Variants in SELENOW observed in about 807,000 individuals in gnomAD.
SELENOW encodes the protein selenoprotein W, 1.
A neutral mutation model predicts 16.6 loss-of-function variants in SELENOW; 20 were observed. The ratio of observed to expected loss-of-function variants is 1.21; its 90% CI spans 0.85 to 1.76. The LOEUF is 1.76. SELENOW is among the 40% of genes most tolerant of loss of function. The probability of loss-of-function intolerance (pLI) is 0.00; values close to 1 mark genes in which losing one functional copy is unlikely to be tolerated. For synonymous variants in SELENOW, 44 were observed against 46.2 expected, an observed-to-expected ratio of 0.95 and a Z score of 0.19; for missense variants, 124 against 111.0, an observed-to-expected ratio of 1.12 and a Z score of -0.53.
chr19:47,782,150 T>C (rs962925773), intron 5 of SELENOW: 2 of 152,830 alleles, frequency 1.3e-5, no homozygotes, highest in Admixed American at 1.3e-4. Flanking sequence ...GTTCCCAGCA[T>C]GTTTTGAGAC....
intron 1 of SELENOW, chr19:47,780,015 T>TAC: frequency 2.7e-6 from 1 of 373,598 alleles, no homozygotes. Context: ...TTGAGACGCC[T>TAC]ACCAGGCCTG....
intron 1 of SELENOW, chr19:47,779,075 C>T (rs990604294): frequency 5.2e-5 from 26 of 497,878 alleles, no homozygotes; most frequent in Middle Eastern, 5.3e-4. Context: ...CAATTTCGAA[C>T]CCCCGACTCC....
intron 1 of SELENOW, 90 bp from the exon 2 acceptor site, chr19:47,780,635 C>A (rs1416890250): frequency 5.3e-6 from 6 of 1,137,804 alleles, no homozygotes; most frequent in Non-Finnish European, 7.8e-6. Flanking sequence ...CTTGCTCTCT[C>A]CCCACACCGC....
intron 5 of SELENOW, 101 bp downstream of exon 5, chr19:47,781,489 G>C: frequency 1.4e-6 from 1 of 693,454 alleles, no homozygotes; most frequent in Non-Finnish European, 2.5e-6. Flanking sequence ...AGATGGGGGG[G>C]ACATCACGTG....
At chr19:47,780,128 C>T (rs1266092491) in intron 1 of SELENOW, 2 of 455,576 alleles carry the variant, frequency 4.4e-6, no homozygotes, top group East Asian at 1.4e-4. Flanking sequence ...AGCTGCGGGG[C>T]CGGGTGCGGT....
In SELENOW at chr19:47,780,491, TGTGTGTCCCC is replaced by T. The variant is rs562558160; in HGVS notation, c.30-232_30-223del. On this transcript the variant is annotated intron_variant, in intron 1 of 5. Transcript: ENST00000601048. The stretch of plus-strand genomic sequence containing the variant: ...TTGGTGTTGGTTTTCTGTGTGTCTC[TGTGTGTCCCC>T]GCGCCACCCCCTGTGCTGTGTCCCA... 107 of 577,582 alleles carry T rather than the reference TGTGTGTCCCC, an allele frequency of 1.9e-4. 3 individuals are homozygous for T. In the South Asian group the frequency reaches 2.2e-3, roughly 12 times the overall value. The allele number at this position is 577,582 out of a possible 1,614,324, so 35.8% of individuals were successfully genotyped here. A position where few individuals can be genotyped will look rare whatever the true frequency, so the allele number is the denominator to read the frequency against.
chr19:47,779,148 C>T (rs1357991051), intron 1 of SELENOW: 2 of 326,312 alleles, frequency 6.1e-6, no homozygotes, highest in Non-Finnish European at 1.1e-5. Flanking sequence ...CTCCTCCACC[C>T]TAAGGCTTCC....
At chr19:47,780,374 TCTC>T (rs1436894476) in intron 1 of SELENOW, 3 of 406,344 alleles carry the variant, frequency 7.4e-6, no homozygotes, top group Non-Finnish European at 1.4e-5. Flanking sequence ...CTAATCCAGT[TCTC>T]CTGGTTTTCC....
At chr19:47,780,074 C>G (rs1967454447) in intron 1 of SELENOW, 1 of 453,614 alleles carries the variant, frequency 2.2e-6, no homozygotes, top group Non-Finnish European at 4.4e-6. Context: ...GTTGGGTGAG[C>G]CTGTATTTCA....
chr19:47,783,290 TC>T (rs1967496788), intron 5 of SELENOW: 2 of 151,790 alleles, frequency 1.3e-5, no homozygotes, highest in Admixed American at 1.3e-4. Context: ...AAGCTCCGCC[TC>T]CCGGGTTCAC....
At chr19:47,780,643 C>A in intron 1 of SELENOW, 82 bp from the exon 2 acceptor site, 1 of 1,234,638 alleles carries the variant, frequency 8.1e-7, no homozygotes. Flanking sequence ...CTCCCCACAC[C>A]GCCTGTGTCT....
At chr19:47,781,736 G>A (rs1967479781) in intron 5 of SELENOW, among the ~76,000 whole-genome samples, 1 of 151,984 alleles carries the variant, frequency 6.6e-6, no homozygotes, top group Non-Finnish European at 1.5e-5. Flanking sequence ...TGACGGCTGA[G>A]ATGGTGATGG....
chr19:47,779,463 A>G (rs888204486), intron 1 of SELENOW: 3 of 152,660 alleles, frequency 2.0e-5, no homozygotes, highest in Admixed American at 2.0e-4. Flanking sequence ...GTAGGTATTT[A>G]ATAAATACGT....
rs1568608070 is a variant in SELENOW, at chr19:47,781,181, AG to A, written c.183+1del. On this transcript the variant is annotated frameshift_variant and splice_region_variant, in exon 4 of 6. Coordinates refer to ENST00000601048, the MANE Select transcript of SELENOW (RefSeq NM_003009.4). LOFTEE classifies it high-confidence loss of function. The part of the protein sequence containing the change: ...MVAGKLIHSK[K>X]KGDGYVDTES... ...GCCGGGAAGTTGATTCACTCTAAGA[AG>A]GTATGTCTGTCTGTCCGTCCTGCCT... 3 of 1,613,640 alleles carry A rather than the reference AG, an allele frequency of 1.9e-6. No individual in the cohort carries two copies. The highest frequency in any genetic ancestry group is 2.5e-6 in the Non-Finnish European group (3 of 1,179,696).
At position 47,784,568 on chromosome 19, in the gene SELENOW, C is replaced by A. The variant is rs11551811; in HGVS notation, c.*297C>A. 2.6e-5 allele frequency: 4 copies of A among 152,216 alleles called. No individual in the cohort carries two copies. The highest frequency in any genetic ancestry group is 9.7e-5 in the African/African-American group (4 of 41,432). 9.4% of individuals were successfully genotyped at this position (152,216 alleles called of 1,614,324 possible). A position where few individuals can be genotyped will look rare whatever the true frequency, so the allele number is the denominator to read the frequency against. ...TCCCCTGGAGTTTGGGGGGACATCC[C>A]GCCTCAGGCATCCTTCTCAAGGGGA... On this transcript the variant is annotated 3_prime_UTR_variant, in exon 6 of 6. Coordinates refer to ENST00000601048, the MANE Select transcript of SELENOW (RefSeq NM_003009.4).
chr19:47,779,703 G>A (rs1967450255), intron 1 of SELENOW: 1 of 153,902 alleles, frequency 6.5e-6, no homozygotes, highest in African/African-American at 2.4e-5. Flanking sequence ...CAGCTGCTTG[G>A]GAGGCTGAGG....
rs1299816208 is a variant in SELENOW, at chr19:47,778,766, G to A, written c.-20G>A. ...GTGGCCCGGGCGTCCGCTCCTCAGC[G>A]GATGTGGCAGCCCCGAGCCATGGCT... On this transcript the variant is annotated 5_prime_UTR_variant, in exon 1 of 6. Coordinates refer to ENST00000601048, the MANE Select transcript of SELENOW (RefSeq NM_003009.4). 1.9e-6 allele frequency: 3 copies of A among 1,601,956 alleles called. No homozygotes were observed. Among genetic ancestry groups the A allele is most frequent in the Non-Finnish European group, 1.7e-6 (2 of 1,175,272 alleles).
In SELENOW at chr19:47,784,433, G is replaced by C. The variant is rs2123699499; in HGVS notation, c.*162G>C. On this transcript the variant is annotated 3_prime_UTR_variant, in exon 6 of 6. Transcript: ENST00000601048. The stretch of plus-strand genomic sequence containing the variant: ...TGACGCCCCCGGTCTTTGCCTCTGA[G>C]CGGGAGAGTCTGTGTGTATGTGTCT... 1.3e-5 allele frequency: 2 copies of C among 152,740 alleles called. No homozygotes were observed. The highest frequency in any genetic ancestry group is 4.8e-5 in the African/African-American group (2 of 41,548). 9.5% of individuals were successfully genotyped at this position (152,740 alleles called of 1,614,324 possible).
chr19:47,781,318 G>A lies in SELENOW; in HGVS notation c.212G>A (p.Ser71Asn). The change falls in exon 5 of 6, where the codon AGC becomes AAC. Residue 71 changes from serine to asparagine, a missense_variant. Transcript: ENST00000601048. The part of the protein sequence containing the change: ...KKGDGYVDTE[S>N]KFLKLVAAIK... ...GGCGATGGCTACGTGGACACAGAAAGCAAGTTTCTGAAGTTGGTGGCCGCC... is the reference window on the plus strand; with the variant it reads ...GGCGATGGCTACGTGGACACAGAAAACAAGTTTCTGAAGTTGGTGGCCGCC... 6.2e-7 allele frequency: 1 copy of A among 1,613,396 alleles called. No homozygotes were observed. Among genetic ancestry groups the A allele is most frequent in the Non-Finnish European group, 8.5e-7 (1 of 1,179,600 alleles).
Sources: allele counts gnomAD v4.1 joint callset (sites outside exome capture counted in the v4.1 genomes callset), GRCh38; gene constraint gnomAD v4.1.1; transcripts MANE v1.5; gene names NCBI Gene and HGNC (gene_info 2026-07-23, HGNC 2026-07-21).